BLZF1: variants seen among roughly 807,000 people sequenced by gnomAD.
The protein encoded by BLZF1 is basic leucine zipper nuclear factor 1.
A neutral mutation model predicts 43.8 loss-of-function variants in BLZF1; 39 were observed. The observed-to-expected ratio is 0.89, with a 90% confidence interval of 0.69 to 1.16. The LOEUF is 1.16. Among genes scored for constraint, BLZF1 ranks in the 50% most tolerant of loss-of-function variants. The pLI is 0.00. For synonymous variants in BLZF1, 136 were observed against 159.4 expected, an observed-to-expected ratio of 0.85 and a Z score of 1.11; for missense variants, 449 against 469.8, an observed-to-expected ratio of 0.96 and a Z score of 0.41.
downstream of BLZF1, among the ~76,000 whole-genome samples, chr1:169,392,581 A>G (rs1037848987): frequency 6.6e-6 from 1 of 152,264 alleles, no homozygotes; most frequent in African/African-American, 2.4e-5. Flanking sequence ...TTCCTGGCAC[A>G]TAGCTCCTAA....
Position 169,369,421 on chromosome 1 carries a change from C to CT in BLZF1, c.-50-51dup, listed in dbSNP as rs1654028281. The CT allele has an allele frequency of 8.8e-6, 8 of 911,262 alleles. No individual in the cohort carries two copies. In the Admixed American group the frequency reaches 1.8e-4, roughly 20 times the overall value. 56.4% of individuals were successfully genotyped at this position (911,262 alleles called of 1,614,324 possible). A position where few individuals can be genotyped will look rare whatever the true frequency, so the allele number is the denominator to read the frequency against. On this transcript the variant is annotated intron_variant, in intron 1 of 6. Transcript: ENST00000367808. ...TCATAACTTTTAAATTGGAGGTACT[C>CT]TATGTGTTTATATGATATTTTTAAA...
intron 2 of BLZF1, among the ~76,000 whole-genome samples, chr1:169,373,583 G>A (rs191191620): frequency 7.9e-5 from 12 of 152,218 alleles, no homozygotes; most frequent in African/African-American, 2.2e-4. Context: ...ATTACTGAGC[G>A]GGAGCTCTCA....
chr1:169,377,407 G>GA (rs1557848000), intron 3 of BLZF1: 1 of 161,026 alleles, frequency 6.2e-6, no homozygotes, highest in Non-Finnish European at 1.3e-5. Context: ...CATTGTAAAT[G>GA]AAAAAAATCT....
chr1:169,379,190 T>C (rs1055097557), intron 4 of BLZF1, among the ~76,000 whole-genome samples: 2 of 152,034 alleles, frequency 1.3e-5, no homozygotes, highest in East Asian at 3.8e-4. Context: ...CAAAATACTT[T>C]ATAGAGTATG....
intron 2 of BLZF1, among the ~76,000 whole-genome samples, chr1:169,371,810 T>C (rs1220562364): frequency 2.6e-5 from 4 of 152,192 alleles, no homozygotes; most frequent in African/African-American, 9.7e-5. Context: ...AGTTTAGTAA[T>C]AGTAGACCAA....
Position 169,386,990 on chromosome 1 carries a change from T to G in BLZF1, c.1018-7T>G. 6.3e-7 allele frequency: 1 copy of G among 1,588,194 alleles called. No individual in the cohort carries two copies. The highest frequency in any genetic ancestry group is 1.8e-5 in the Admixed American group (1 of 56,888). ...ATACTTCTGACATTATATCTTATTTTCCTTAGGTTCTAAGAATTTTAGATC... is the reference window on the plus strand; with the variant it reads ...ATACTTCTGACATTATATCTTATTTGCCTTAGGTTCTAAGAATTTTAGATC... On this transcript the variant is annotated splice_polypyrimidine_tract_variant and splice_region_variant and intron_variant, in intron 6 of 6. Transcript: ENST00000367808.
At chr1:169,395,218 G>A in intron 7 of BLZF1, 2 of 1,605,600 alleles carry the variant, frequency 1.2e-6, no homozygotes, top group East Asian at 2.2e-5. Context: ...TGTAGAAACA[G>A]GCATGATCAG....
intron 2 of BLZF1, among the ~76,000 whole-genome samples, chr1:169,375,046 A>G (rs969230214): frequency 5.3e-5 from 8 of 152,054 alleles, no homozygotes; most frequent in Non-Finnish European, 1.2e-4. Flanking sequence ...CACCAAACCC[A>G]TTAATTTTAT....
intron 2 of BLZF1, among the ~76,000 whole-genome samples, chr1:169,370,612 T>C (rs938094379): frequency 1.3e-5 from 2 of 152,228 alleles, no homozygotes; most frequent in African/African-American, 4.8e-5. Context: ...AAACTTCAAG[T>C]GGTCGGTAGG....
At chr1:169,377,061 T>C in intron 3 of BLZF1, 82 bp downstream of exon 3, 2 of 1,112,200 alleles carry the variant, frequency 1.8e-6, no homozygotes, top group Non-Finnish European at 2.6e-6. Context: ...AAACTACATT[T>C]CTTTATGGGA....
chr1:169,383,804 C>G (rs1654594478), intron 6 of BLZF1, among the ~76,000 whole-genome samples: 1 of 152,130 alleles, frequency 6.6e-6, no homozygotes, highest in South Asian at 2.1e-4. Context: ...TTCCTAAACA[C>G]CATACTCTTG....
chr1:169,380,500 A>G lies in BLZF1; in HGVS notation c.688A>G (p.Thr230Ala). Residue 230 changes from threonine (T) to alanine (A), a missense_variant, in exon 5 of 7, where the codon ACC becomes GCC. Coordinates refer to ENST00000367808, the MANE Select transcript of BLZF1 (RefSeq NM_001320973.2). ...LASRVMADEL[T>A]NSRAALQRQN... The stretch of plus-strand genomic sequence containing the variant: ...TTTCAGGGTAATGGCAGATGAGTTA[A>G]CCAACTCAAGAGCAGCTTTACAGCG... 1 of 1,612,154 alleles carries G rather than the reference A, an allele frequency of 6.2e-7. No homozygotes were observed. Among genetic ancestry groups the G allele is most frequent in the Non-Finnish European group, 8.5e-7 (1 of 1,178,610 alleles).
downstream of BLZF1, chr1:169,388,359 C>G (rs1654731952): frequency 6.6e-6 from 1 of 152,022 alleles, no homozygotes; most frequent in South Asian, 2.1e-4. Flanking sequence ...AGGTCTTTGT[C>G]TAGCTTAACT....
At chr1:169,395,105 T>C (rs569294985) in intron 7 of BLZF1, 1 of 1,613,706 alleles carries the variant, frequency 6.2e-7, no homozygotes, top group Non-Finnish European at 8.5e-7. Context: ...TAGGTGGTGC[T>C]GTAACTGTTT....
chr1:169,377,053 A>G, intron 3 of BLZF1, 74 bp downstream of exon 3: 1 of 1,220,254 alleles, frequency 8.2e-7, no homozygotes, highest in South Asian at 1.4e-5. Flanking sequence ...ATGTTAGAAA[A>G]CTACATTTCT....
At chr1:169,373,843 C>G (rs1654207495) in intron 2 of BLZF1, among the ~76,000 whole-genome samples, 1 of 152,136 alleles carries the variant, frequency 6.6e-6, no homozygotes, top group African/African-American at 2.4e-5. Flanking sequence ...AAAAATGTTA[C>G]AGCTTGCCTA....
rs1399703051 is a variant in BLZF1, at chr1:169,379,880, A to C, written c.669-601A>C. 2.6e-5 allele frequency among the ~76,000 whole-genome samples: 4 copies of C among 152,068 alleles called. No individual in the cohort carries two copies. The East Asian group carries it at 7.7e-4, about 29-fold the overall frequency. On this transcript the variant is annotated intron_variant, in intron 4 of 6. Coordinates refer to ENST00000367808, the MANE Select transcript of BLZF1 (RefSeq NM_001320973.2). ...AGTCTCTAAGATAAATTATTAAATG[A>C]AAAACTAAGATTTAGAAAAGTTCGT...
At chr1:169,385,644 T>A (rs1413385419) in intron 6 of BLZF1, among the ~76,000 whole-genome samples, 1 of 152,226 alleles carries the variant, frequency 6.6e-6, no homozygotes, top group African/African-American at 2.4e-5. Flanking sequence ...CATCTTTGCT[T>A]ATCCTCTAAT....
chr1:169,379,828 A>G (rs1654470772), intron 4 of BLZF1, among the ~76,000 whole-genome samples: 1 of 152,034 alleles, frequency 6.6e-6, no homozygotes, highest in African/African-American at 2.4e-5. Context: ...AGGGAATGAG[A>G]TAGCTGTATA....
Sources: gnomAD v4.1 joint callset for allele counts (sites outside exome capture counted in the v4.1 genomes callset) on GRCh38, gnomAD v4.1.1 for gene constraint, MANE v1.5 for transcripts, NCBI Gene and HGNC (gene_info 2026-07-23, HGNC 2026-07-21) for gene names.